Variants in ALK observed in about 807,000 individuals in gnomAD.
ALK encodes the protein ALK receptor tyrosine kinase, also known as ALK tyrosine kinase receptor.
ALK carries 74 observed loss-of-function variants against 163.1 expected under a neutral mutation model. The ratio of observed to expected loss-of-function variants is 0.45; its 90% CI spans 0.38 to 0.55. ALK has a LOEUF of 0.55. ALK is among the 20% of genes least tolerant of loss of function. The probability of loss-of-function intolerance (pLI) is 0.00; values close to 1 mark genes in which losing one functional copy is unlikely to be tolerated. For synonymous variants in ALK, 960 were observed against 843.2 expected, an observed-to-expected ratio of 1.14 and a Z score of -2.40; for missense variants, 2,063 against 2,105.3, an observed-to-expected ratio of 0.98 and a Z score of 0.39.
chr2:29,657,177 G>A (rs1217773893), intron 3 of ALK, among the ~76,000 whole-genome samples: 1 of 152,112 alleles, frequency 6.6e-6, no homozygotes, highest in Non-Finnish European at 1.5e-5. Flanking sequence ...GGAGTAACAA[G>A]GCTAAGGTGG....
chr2:29,369,743 C>T (rs77395091), intron 5 of ALK, among the ~76,000 whole-genome samples: 2,158 of 152,216 alleles, frequency 0.014, 19 homozygotes, highest in Middle Eastern at 0.027. Flanking sequence ...GAGGCTGAGG[C>T]TGGGGAGATG....
chr2:29,246,423 A>G lies in ALK; in HGVS notation c.2204+4682T>C, dbSNP rs1340949614. 6.6e-6 allele frequency among the ~76,000 whole-genome samples: 1 copy of G among 152,000 alleles called. No homozygotes were observed. The highest frequency in any genetic ancestry group is 1.5e-5 in the Non-Finnish European group (1 of 67,960). On this transcript the variant is annotated intron_variant, in intron 12 of 28. Transcript: ENST00000389048. This position sits in a 1 kb window ranked among gnomAD's most constrained non-coding sequence, Gnocchi z 4.3. ...TCCCCCTCCCCAGCACAAACCCCAT[A>G]ATCCACGTTCTTCTCATGGCACTGC...
intron 1 of ALK, among the ~76,000 whole-genome samples, chr2:29,735,763 T>C (rs952117849): frequency 2.6e-5 from 4 of 152,050 alleles, no homozygotes; most frequent in Non-Finnish European, 5.9e-5. Flanking sequence ...TTGCTCGGCA[T>C]TTCTTTCTCC....
At chr2:29,271,691 G>A (rs879765875) in intron 11 of ALK, among the ~76,000 whole-genome samples, 13 of 152,272 alleles carry the variant, frequency 8.5e-5, no homozygotes, top group African/African-American at 3.1e-4. Context: ...CGGCTTGCCA[G>A]TGCAACCAGC....
At chr2:29,539,880 T>C (rs1214067131) in intron 3 of ALK, among the ~76,000 whole-genome samples, 2 of 152,208 alleles carry the variant, frequency 1.3e-5, no homozygotes, top group African/African-American at 2.4e-5. Context: ...AAGTATAGTT[T>C]TGTGAGCAAA....
intron 5 of ALK, among the ~76,000 whole-genome samples, chr2:29,382,423 T>C (rs1573301909): frequency 6.6e-6 from 1 of 152,238 alleles, no homozygotes; most frequent in African/African-American, 2.4e-5. Flanking sequence ...GATTTTAACA[T>C]GCAAAGAATT....
intron 1 of ALK, among the ~76,000 whole-genome samples, chr2:29,788,534 A>C (rs1356451843): frequency 1.3e-5 from 2 of 152,198 alleles, no homozygotes; most frequent in Non-Finnish European, 2.9e-5. Context: ...AGAAAGCGAA[A>C]GGGAGGGAAC....
intron 6 of ALK, among the ~76,000 whole-genome samples, chr2:29,327,130 C>G (rs991533161): frequency 5.9e-5 from 9 of 152,212 alleles, no homozygotes; most frequent in Non-Finnish European, 1.3e-4. Context: ...GTGATTACTT[C>G]TGGAGAGGCA....
chr2:29,531,735 A>T (rs1384497811), intron 4 of ALK, among the ~76,000 whole-genome samples, 180 bp downstream of exon 4: 2 of 152,132 alleles, frequency 1.3e-5, no homozygotes, highest in Non-Finnish European at 2.9e-5. Flanking sequence ...AGTCAGAGGG[A>T]CCCACAAATC....
chr2:29,384,397 T>C (rs1343515215), intron 4 of ALK, among the ~76,000 whole-genome samples: 1 of 152,170 alleles, frequency 6.6e-6, no homozygotes, highest in Non-Finnish European at 1.5e-5. Flanking sequence ...CACCGAAGCA[T>C]GTATTTTGGG....
chr2:29,743,303 A>G (rs748748835), intron 1 of ALK, among the ~76,000 whole-genome samples: 3 of 152,234 alleles, frequency 2.0e-5, no homozygotes, highest in Admixed American at 6.5e-5. Flanking sequence ...CATTTAGAGT[A>G]TGATGTTCGA....
intron 4 of ALK, among the ~76,000 whole-genome samples, chr2:29,483,712 A>G (rs1235202345): frequency 6.6e-6 from 1 of 152,212 alleles, no homozygotes; most frequent in Non-Finnish European, 1.5e-5. Context: ...TGTTTAACAT[A>G]ATGACATATA....
rs1400247742 is a variant in ALK, at chr2:29,705,279, A to ATC, written c.788-10266_788-10265insGA. On this transcript the variant is annotated intron_variant, in intron 2 of 28. Transcript: ENST00000389048. The stretch of plus-strand genomic sequence containing the variant: ...TATATATATATATATATATATATAT[A>ATC]TAAATATATATCTGCTGTGATGATT... 6.0e-4 allele frequency among the ~76,000 whole-genome samples: 21 copies of ATC among 35,104 alleles called. 1 individual carries two copies. The highest frequency in any genetic ancestry group is 5.5e-3 in the African/African-American group (21 of 3,814). The allele number at this position is 35,104 out of a possible 152,430, so 23.0% of individuals were successfully genotyped here. A position where few individuals can be genotyped will look rare whatever the true frequency, so the allele number is the denominator to read the frequency against.
At chr2:29,416,795 T>A (rs1350558377) in intron 4 of ALK, among the ~76,000 whole-genome samples, 1 of 152,148 alleles carries the variant, frequency 6.6e-6, no homozygotes, top group Non-Finnish European at 1.5e-5. Flanking sequence ...CATGAGGTTG[T>A]GCTGATTACT....
At chr2:29,689,288 T>C (rs1678325581) in intron 3 of ALK, among the ~76,000 whole-genome samples, 1 of 152,168 alleles carries the variant, frequency 6.6e-6, no homozygotes, top group Admixed American at 6.5e-5. Context: ...GAGGTGAGAC[T>C]CAGAGTCAGC....
chr2:29,746,473 A>G (rs1040265068), intron 1 of ALK, among the ~76,000 whole-genome samples: 18 of 152,226 alleles, frequency 1.2e-4, no homozygotes, highest in African/African-American at 4.1e-4. Flanking sequence ...GGAATGGTGC[A>G]ACAAAGTTTG....
chr2:29,777,770 T>C (rs1331301948), intron 1 of ALK, among the ~76,000 whole-genome samples: 1 of 152,154 alleles, frequency 6.6e-6, no homozygotes, highest in Admixed American at 6.5e-5. Context: ...AGCTCCAAGA[T>C]GATGCTATTT....
intron 4 of ALK, among the ~76,000 whole-genome samples, chr2:29,470,199 G>T (rs1052099544): frequency 2.0e-4 from 30 of 151,350 alleles, no homozygotes; most frequent in African/African-American, 6.8e-4. Context: ...ATAATAGGAA[G>T]AAGAAAAAAA....
chr2:29,337,866 G>T (rs1303226869), intron 5 of ALK, among the ~76,000 whole-genome samples: 1 of 152,178 alleles, frequency 6.6e-6, no homozygotes, highest in Non-Finnish European at 1.5e-5. Context: ...GCTGCCTAAG[G>T]TATAGAGAAA....
Sources: allele counts gnomAD v4.1 joint callset (sites outside exome capture counted in the v4.1 genomes callset), GRCh38; gene constraint gnomAD v4.1.1; non-coding constraint Gnocchi (gnomAD v3.1); transcripts MANE v1.5; gene names NCBI Gene and HGNC (gene_info 2026-07-23, HGNC 2026-07-21).